Variants in ANO1 observed in about 807,000 individuals in gnomAD.
ANO1 encodes the protein anoctamin 1, also known as anoctamin-1.
A neutral mutation model predicts 124.0 loss-of-function variants in ANO1; 59 were observed. The ratio of observed to expected loss-of-function variants is 0.48; its 90% CI spans 0.39 to 0.59. The LOEUF is 0.59. Among genes scored for constraint, ANO1 ranks in the 20% least tolerant of loss-of-function variants. The pLI is 0.00. For synonymous variants in ANO1, 529 were observed against 532.0 expected (o/e 0.99, Z 0.08); for missense variants, 1,059 against 1,328.0 (o/e 0.80, Z 3.15).
At chr11:70,082,559 C>A (rs1380179708) in intron 1 of ANO1, among the ~76,000 whole-genome samples, 2 of 152,164 alleles carry the variant, frequency 1.3e-5, no homozygotes, top group Admixed American at 1.3e-4. Flanking sequence ...GAATTCGTCT[C>A]AAAAGAAAAG....
At chr11:70,006,361 G>T in intron 1 of ANO1, among the ~76,000 whole-genome samples, 1 of 151,874 alleles carries the variant, frequency 6.6e-6, no homozygotes, top group East Asian at 1.9e-4. Flanking sequence ...TTCCTTATCT[G>T]AACTTGACCC....
chr11:70,182,771 A>G, intron 24 of ANO1, 85 bp downstream of exon 24: 1 of 1,219,126 alleles, frequency 8.2e-7, no homozygotes, highest in Non-Finnish European at 1.1e-6. Context: ...TCAAATCAGG[A>G]GCAAGTCATG....
At chr11:70,153,630 A>C (rs757289299) in intron 14 of ANO1, among the ~76,000 whole-genome samples, 1 of 152,176 alleles carries the variant, frequency 6.6e-6, no homozygotes, top group Non-Finnish European at 1.5e-5. Context: ...ATGTTTTGCA[A>C]TGTTCTTGAG....
In ANO1 at chr11:70,095,348, A is replaced by AAG. The variant is rs1298310917; in HGVS notation, c.441+7266_441+7267dup. ...AAGAAAGAAAGGAAAGAGAAAGAAA[A>AAG]AGAAAGAAAGAAAGAAAGAAAGAAA... On this transcript the variant is annotated intron_variant, in intron 2 of 25. Transcript: ENST00000355303. 6.6e-4 allele frequency among the ~76,000 whole-genome samples: 6 copies of AAG among 9,090 alleles called. 1 individual carries two copies. In the South Asian group the frequency reaches 0.029, roughly 44 times the overall value. The allele number at this position is 9,090 out of a possible 152,430, so 6.0% of individuals were successfully genotyped here.
At chr11:70,096,423 G>A (rs1311436766) in intron 2 of ANO1, among the ~76,000 whole-genome samples, 1 of 152,160 alleles carries the variant, frequency 6.6e-6, no homozygotes, top group Admixed American at 6.5e-5. Flanking sequence ...GGGCCAGCGA[G>A]CATTCCTACC....
intron 1 of ANO1, among the ~76,000 whole-genome samples, chr11:70,052,316 G>C (rs782196144): frequency 6.6e-6 from 1 of 152,102 alleles, no homozygotes; most frequent in Non-Finnish European, 1.5e-5. Flanking sequence ...ATTGTTGGTC[G>C]ATATGAATAT....
At chr11:70,023,622 T>C (rs1226912299) in intron 1 of ANO1, among the ~76,000 whole-genome samples, 2 of 152,204 alleles carry the variant, frequency 1.3e-5, no homozygotes, top group African/African-American at 4.8e-5. Context: ...TGTCCTGGTT[T>C]AGGAGTTGTA....
At chr11:70,069,417 C>T (rs552760745) in intron 1 of ANO1, among the ~76,000 whole-genome samples, 83 of 152,196 alleles carry the variant, frequency 5.5e-4, no homozygotes, top group African/African-American at 1.7e-3. Context: ...TGAAAATTGA[C>T]GAATAAACTC....
At chr11:70,139,735 T>C (rs1186253599) in intron 11 of ANO1, among the ~76,000 whole-genome samples, 1 of 152,252 alleles carries the variant, frequency 6.6e-6, no homozygotes, top group African/African-American at 2.4e-5. Flanking sequence ...GTGTCTATGG[T>C]AGAACAATTG....
chr11:70,162,483 C>T (rs1222766662), intron 18 of ANO1, among the ~76,000 whole-genome samples: 1 of 152,146 alleles, frequency 6.6e-6, no homozygotes, highest in Admixed American at 6.5e-5. Flanking sequence ...TGTGGAAATG[C>T]GGCTGCTGGC....
intron 5 of ANO1, among the ~76,000 whole-genome samples, chr11:70,106,072 G>A (rs1015458494): frequency 1.3e-5 from 2 of 152,172 alleles, no homozygotes; most frequent in Non-Finnish European, 2.9e-5. Context: ...CTGGATCTGT[G>A]CAGCTCCCAG....
intron 11 of ANO1, among the ~76,000 whole-genome samples, chr11:70,136,659 G>A (rs2046966579): frequency 2.0e-5 from 3 of 147,200 alleles, no homozygotes; most frequent in East Asian, 4.1e-4. Flanking sequence ...GGTGCCTGTC[G>A]TCGGCGTCTG....
At chr11:70,098,555 C>T (rs1324732006) in intron 2 of ANO1, among the ~76,000 whole-genome samples, 1 of 152,166 alleles carries the variant, frequency 6.6e-6, no homozygotes, top group East Asian at 1.9e-4. Flanking sequence ...CCATAGTGAA[C>T]AATGCCCTCC....
intron 22 of ANO1, among the ~76,000 whole-genome samples, chr11:70,174,693 A>G (rs1429136497): frequency 3.3e-5 from 5 of 152,090 alleles, no homozygotes; most frequent in African/African-American, 4.8e-5. Context: ...CCAGGCGGTA[A>G]CAGTGCCGAG....
the ANO1 span, among the ~76,000 whole-genome samples, chr11:69,976,274 C>T: frequency 6.8e-3 from 1,034 of 152,134 alleles, 8 homozygotes; most frequent in Middle Eastern, 0.021. Context: ...CTTTGGGAGG[C>T]CAGGGCGGGC....
intron 1 of ANO1, among the ~76,000 whole-genome samples, chr11:70,040,585 C>A (rs1857167798): frequency 6.6e-6 from 1 of 152,162 alleles, no homozygotes; most frequent in African/African-American, 2.4e-5. Context: ...CGAGACATGA[C>A]AATCGCTTGA....
intron 1 of ANO1, among the ~76,000 whole-genome samples, chr11:70,007,702 C>T (rs527674963): frequency 7.9e-5 from 12 of 152,302 alleles, no homozygotes; most frequent in South Asian, 4.1e-4. Context: ...TTTCCAATAA[C>T]GCTGCAACGA....
intron 11 of ANO1, among the ~76,000 whole-genome samples, chr11:70,145,922 G>C (rs984400500): frequency 4.5e-5 from 6 of 133,336 alleles, no homozygotes; most frequent in Non-Finnish European, 7.7e-5. Context: ...GGGTGACGGA[G>C]AGAGACTCCT....
chr11:69,966,216 C>A, the ANO1 span, among the ~76,000 whole-genome samples: 3 of 152,332 alleles, frequency 2.0e-5, no homozygotes, highest in African/African-American at 7.2e-5. Context: ...TGAAGCCATA[C>A]CCTGGAGGGA....
Sources: allele counts gnomAD v4.1 joint callset (sites outside exome capture counted in the v4.1 genomes callset), GRCh38; gene constraint gnomAD v4.1.1; transcripts MANE v1.5; gene names NCBI Gene and HGNC (gene_info 2026-07-23, HGNC 2026-07-21).